The following OC90 variants were observed in gnomAD, a reference collection of about 807,000 sequenced individuals.
OC90 encodes the protein otoconin-90.
Under a neutral mutation model 47.3 loss-of-function variants are expected in OC90, and 46 were observed. The ratio of observed to expected loss-of-function variants is 0.97; its 90% CI spans 0.77 to 1.24. The LOEUF is 1.24. OC90 is among the 50% of genes most tolerant of loss of function. The pLI is 0.00. For missense variants in OC90, 688 were observed against 583.9 expected, an observed-to-expected ratio of 1.18 and a Z score of -1.84; for synonymous variants, 271 against 219.5, an observed-to-expected ratio of 1.23 and a Z score of -2.07.
intron 1 of OC90, among the ~76,000 whole-genome samples, chr8:132,055,533 A>G (rs1428483289): frequency 1.3e-5 from 2 of 152,242 alleles, no homozygotes; most frequent in African/African-American, 2.4e-5. Context: ...CCCGTACTTT[A>G]TGATATACCC....
At chr8:132,037,587 G>C in intron 8 of OC90, 99 bp from the exon 9 acceptor site, 1 of 1,001,866 alleles carries the variant, frequency 1.0e-6, no homozygotes, top group Non-Finnish European at 1.5e-6. Flanking sequence ...CTGGCCCAAG[G>C]GAGGAAAGGG....
At chr8:132,048,720 C>A (rs1312560388) in intron 2 of OC90, among the ~76,000 whole-genome samples, 2 of 151,558 alleles carry the variant, frequency 1.3e-5, no homozygotes, top group Non-Finnish European at 2.9e-5. Flanking sequence ...TGTCCCCACT[C>A]CCCCCTGTTT....
intron 5 of OC90, 37 bp from the exon 6 acceptor site, chr8:132,041,193 G>T: frequency 7.6e-7 from 1 of 1,313,836 alleles, no homozygotes; most frequent in Non-Finnish European, 1.1e-6. Context: ...GTGAGAGTGT[G>T]GGTTAGAGTG....
chr8:132,054,929 T>C, intron 2 of OC90, 52 bp downstream of exon 2: 2 of 1,357,276 alleles, frequency 1.5e-6, no homozygotes, highest in South Asian at 1.4e-5. Context: ...AGTATTCAAA[T>C]GAAGTAATTA....
chr8:132,044,917 G>A (rs79454405), intron 3 of OC90, among the ~76,000 whole-genome samples: 2,154 of 152,276 alleles, frequency 0.014, 48 homozygotes, highest in South Asian at 0.052. Flanking sequence ...GCCGGGGCTG[G>A]TCATACAGCT....
chr8:132,024,832 G>GA, intron 13 of OC90, 56 bp from the exon 14 acceptor site: 1 of 1,480,932 alleles, frequency 6.8e-7, no homozygotes, highest in Non-Finnish European at 9.2e-7. Context: ...GGCACTGGGA[G>GA]GCCCCACGGC....
chr8:132,046,884 G>A (rs1319200712), intron 2 of OC90, among the ~76,000 whole-genome samples: 1 of 152,176 alleles, frequency 6.6e-6, no homozygotes, highest in Non-Finnish European at 1.5e-5. Context: ...CCCAGGTGGT[G>A]TCTGAGTTGG....
At chr8:132,033,254 T>C (rs1211257319) in intron 10 of OC90, 90 bp from the exon 11 acceptor site, 3 of 1,263,066 alleles carry the variant, frequency 2.4e-6, no homozygotes, top group Non-Finnish European at 3.3e-6. Context: ...TGCAAACAGA[T>C]AGAACAACAT....
At chr8:132,032,863 T>C (rs1375675626) in intron 11 of OC90, among the ~76,000 whole-genome samples, 176 bp downstream of exon 11, 2 of 152,150 alleles carry the variant, frequency 1.3e-5, no homozygotes, top group Non-Finnish European at 2.9e-5. Context: ...GCTGAGTGGC[T>C]ACAGGCAGCT....
chr8:132,043,591 C>T (rs377737005), intron 4 of OC90, among the ~76,000 whole-genome samples: 2 of 152,168 alleles, frequency 1.3e-5, no homozygotes, highest in East Asian at 3.9e-4. Flanking sequence ...GGTCACAAGA[C>T]GGAGCTTAAG....
rs1822832635 is a variant in OC90, at chr8:132,029,079, G to T, written c.1132C>A (p.Pro378Thr). ...WSPVVCVDHT[P>T]KCGGQSLCEK... Reference sequence around the variant, plus strand: ...TGCAACCAACAGCACTTACACTTGGGCGTATGATCCACACACACCACCGGT... The same window carrying T: ...TGCAACCAACAGCACTTACACTTGGTCGTATGATCCACACACACCACCGGT... The change falls in exon 13 of 14, where the codon CCC (proline) becomes ACC (threonine). Residue 378 changes from proline (P) to threonine (T), a missense_variant. Coordinates refer to ENST00000254627, the MANE Select transcript of OC90 (RefSeq NM_001080399.3). 2.5e-6 allele frequency: 4 copies of T among 1,610,604 alleles called. No homozygotes were observed. Among genetic ancestry groups the T allele is most frequent in the Middle Eastern group, 1.6e-4 (1 of 6,082 alleles).
intron 1 of OC90, among the ~76,000 whole-genome samples, chr8:132,058,621 C>T (rs1224188732): frequency 2.0e-5 from 3 of 152,168 alleles, no homozygotes; most frequent in Non-Finnish European, 4.4e-5. Flanking sequence ...AACTCATTTT[C>T]CTGGGCAGCG....
At chr8:132,029,389 G>A (rs185123476) in intron 12 of OC90, among the ~76,000 whole-genome samples, 29 of 152,102 alleles carry the variant, frequency 1.9e-4, no homozygotes, top group African/African-American at 5.1e-4. Context: ...CGTCTAAGGC[G>A]GCATCACTTA....
chr8:132,042,688 T>A (rs546343904), intron 4 of OC90, among the ~76,000 whole-genome samples: 3 of 152,158 alleles, frequency 2.0e-5, no homozygotes, highest in Non-Finnish European at 4.4e-5. Context: ...ACTCCCTCCA[T>A]GCTAAATGCA....
At chr8:132,038,380 A>G (rs1181864349) in intron 8 of OC90, among the ~76,000 whole-genome samples, 1 of 152,130 alleles carries the variant, frequency 6.6e-6, no homozygotes, top group Non-Finnish European at 1.5e-5. Flanking sequence ...AGGAGGAGGT[A>G]GTGGGTCTGC....
intron 12 of OC90, 45 bp downstream of exon 12, chr8:132,031,836 C>A: frequency 6.5e-7 from 1 of 1,543,528 alleles, no homozygotes. Context: ...GTGCAGACAG[C>A]ATCAGCACTA....
At chr8:132,029,319 C>T in intron 12 of OC90, 140 bp from the exon 13 acceptor site, 3 of 661,590 alleles carry the variant, frequency 4.5e-6, no homozygotes, top group Non-Finnish European at 5.3e-6. Context: ...AGGGCTGACT[C>T]ATATACACAC....
At chr8:132,046,308 G>A (rs1386424294) in intron 2 of OC90, among the ~76,000 whole-genome samples, 3 of 152,150 alleles carry the variant, frequency 2.0e-5, no homozygotes, top group Non-Finnish European at 4.4e-5. Context: ...CAGATTATCA[G>A]CATCAGAATC....
At chr8:132,032,991 C>T (rs766313458) in intron 11 of OC90, 48 bp downstream of exon 11, 2 of 1,588,492 alleles carry the variant, frequency 1.3e-6, no homozygotes, top group East Asian at 4.6e-5. Flanking sequence ...TTCACAGCCT[C>T]ACCAAAAGAT....
Sources: allele counts gnomAD v4.1 joint callset (sites outside exome capture counted in the v4.1 genomes callset), GRCh38; gene constraint gnomAD v4.1.1; transcripts MANE v1.5; gene names NCBI Gene and HGNC (gene_info 2026-07-23, HGNC 2026-07-21).